RAB3C: variants seen among roughly 807,000 people sequenced by gnomAD.
RAB3C encodes ras-related protein Rab-3C.
Under a neutral mutation model 26.4 loss-of-function variants are expected in RAB3C, and 17 were observed. The observed-to-expected ratio is 0.64, with a 90% CI of 0.44 to 0.97. The LOEUF (loss-of-function observed/expected upper bound fraction) is 0.97, where lower values mean the gene tolerates loss of function less well. Among genes scored for constraint, RAB3C ranks in the 50% least tolerant of loss-of-function variants. The probability of loss-of-function intolerance (pLI) is 0.00; values close to 1 mark genes in which losing one functional copy is unlikely to be tolerated. For synonymous variants in RAB3C, 91 were observed against 95.9 expected, an observed-to-expected ratio of 0.95 and a Z score of 0.30; for missense variants, 242 against 281.9, an observed-to-expected ratio of 0.86 and a Z score of 1.01.
intron 2 of RAB3C, among the ~76,000 whole-genome samples, chr5:58,716,380 A>G (rs760816948): frequency 1.3e-5 from 2 of 152,134 alleles, no homozygotes; most frequent in Non-Finnish European, 2.9e-5. Context: ...AAAAAACTAT[A>G]ACCTAACTTC....
intron 1 of RAB3C, among the ~76,000 whole-genome samples, chr5:58,589,911 G>C (rs751653357): frequency 9.2e-5 from 14 of 152,272 alleles, no homozygotes; most frequent in Non-Finnish European, 1.8e-4. Context: ...GATGAAGAAG[G>C]CTGTGTGTCA....
At chr5:58,684,812 G>T (rs1362340773) in intron 2 of RAB3C, among the ~76,000 whole-genome samples, 1 of 152,164 alleles carries the variant, frequency 6.6e-6, no homozygotes, top group African/African-American at 2.4e-5. Flanking sequence ...TTTTGCCCTT[G>T]GCTGGCTGCA....
chr5:58,632,158 T>C (rs956602295), intron 2 of RAB3C, among the ~76,000 whole-genome samples: 3 of 152,184 alleles, frequency 2.0e-5, no homozygotes, highest in African/African-American at 7.2e-5. Context: ...GATTCACATA[T>C]GAAAGCAACC....
chr5:58,687,718 G>A (rs1458308099), intron 2 of RAB3C, among the ~76,000 whole-genome samples: 1 of 151,984 alleles, frequency 6.6e-6, no homozygotes, highest in African/African-American at 2.4e-5. Flanking sequence ...TTAATATAAT[G>A]AGCCTAATCT....
intron 3 of RAB3C, among the ~76,000 whole-genome samples, chr5:58,754,707 G>T (rs866067575): frequency 6.6e-6 from 1 of 152,080 alleles, no homozygotes; most frequent in African/African-American, 2.4e-5. Context: ...TATATCGTGC[G>T]CAATCTCTTC....
chr5:58,796,557 T>C (rs1307879201), intron 3 of RAB3C, among the ~76,000 whole-genome samples: 2 of 152,130 alleles, frequency 1.3e-5, no homozygotes, highest in African/African-American at 4.8e-5. Flanking sequence ...TGGAAGAGAA[T>C]TGTAAAGAGA....
intron 2 of RAB3C, among the ~76,000 whole-genome samples, chr5:58,649,052 C>T (rs1457826973): frequency 6.6e-6 from 1 of 152,148 alleles, no homozygotes; most frequent in Non-Finnish European, 1.5e-5. Context: ...CATGGTCCCA[C>T]CATGCTGAAA....
At chr5:58,683,695 A>G (rs1164678060) in intron 2 of RAB3C, among the ~76,000 whole-genome samples, 1 of 152,224 alleles carries the variant, frequency 6.6e-6, no homozygotes, top group Non-Finnish European at 1.5e-5. Flanking sequence ...CATTCTGAGT[A>G]GTGTGATGGA....
intron 4 of RAB3C, among the ~76,000 whole-genome samples, chr5:58,834,207 C>A (rs1467488721): frequency 1.3e-5 from 2 of 152,158 alleles, no homozygotes; most frequent in Non-Finnish European, 2.9e-5. Flanking sequence ...GTCCAGCTTG[C>A]CAAGGATCAT....
chr5:58,622,448 A>G (rs1365847308), intron 2 of RAB3C, among the ~76,000 whole-genome samples: 1 of 152,112 alleles, frequency 6.6e-6, no homozygotes, highest in Admixed American at 6.5e-5. Flanking sequence ...AAAATAAAAG[A>G]CATGGTTAAT....
At chr5:58,772,995 G>A (rs1422084399) in intron 3 of RAB3C, among the ~76,000 whole-genome samples, 3 of 152,110 alleles carry the variant, frequency 2.0e-5, no homozygotes, top group Admixed American at 6.5e-5. Flanking sequence ...TTCATGCATC[G>A]TCTGACCAAC....
chr5:58,729,867 TTTATA>T (rs938128475), intron 3 of RAB3C, among the ~76,000 whole-genome samples: 7 of 146,770 alleles, frequency 4.8e-5, no homozygotes, highest in Admixed American at 3.4e-4. Flanking sequence ...TATATGTATA[TTTATA>T]TTATATATAC....
intron 4 of RAB3C, among the ~76,000 whole-genome samples, chr5:58,837,514 A>G (rs887297584): frequency 7.7e-6 from 1 of 129,876 alleles, no homozygotes; most frequent in Non-Finnish European, 1.6e-5. Context: ...AATGCCTGTT[A>G]TTGGTCTGAT....
At chr5:58,740,547 C>T (rs535426101) in intron 3 of RAB3C, among the ~76,000 whole-genome samples, 3 of 152,182 alleles carry the variant, frequency 2.0e-5, no homozygotes, top group East Asian at 1.9e-4. Context: ...CTTGGCCAGG[C>T]GTGGTGGCTC....
chr5:58,650,091 A>G (rs1418045995), intron 2 of RAB3C, among the ~76,000 whole-genome samples: 1 of 152,238 alleles, frequency 6.6e-6, no homozygotes, highest in Non-Finnish European at 1.5e-5. Context: ...TACAAACTGA[A>G]AGAAATTGCA....
chr5:58,723,811 G>C (rs901696833), intron 2 of RAB3C, among the ~76,000 whole-genome samples: 5 of 151,822 alleles, frequency 3.3e-5, no homozygotes, highest in Admixed American at 1.3e-4. Context: ...TCTGGGATAA[G>C]AGAGTCCAGA....
At chr5:58,843,600 A>T (rs1054014395) in intron 4 of RAB3C, among the ~76,000 whole-genome samples, 2 of 152,210 alleles carry the variant, frequency 1.3e-5, no homozygotes, top group Non-Finnish European at 2.9e-5. Flanking sequence ...ACTTCTCAGC[A>T]CTTTAATAGT....
intron 2 of RAB3C, among the ~76,000 whole-genome samples, chr5:58,715,830 A>G (rs1749159084): frequency 6.6e-6 from 1 of 152,096 alleles, no homozygotes; most frequent in Non-Finnish European, 1.5e-5. Flanking sequence ...AATCAGGAAG[A>G]GGAGCTCGCC....
intron 2 of RAB3C, among the ~76,000 whole-genome samples, chr5:58,710,061 C>T (rs1264715743): frequency 6.6e-6 from 1 of 152,124 alleles, no homozygotes; most frequent in Non-Finnish European, 1.5e-5. Context: ...CATCATTTCC[C>T]AAATGCCAGA....
Sources: allele counts gnomAD v4.1 joint callset (sites outside exome capture counted in the v4.1 genomes callset), GRCh38; gene constraint gnomAD v4.1.1; transcripts MANE v1.5; gene names NCBI Gene and HGNC (gene_info 2026-07-23, HGNC 2026-07-21).